The following DUOX1 variants were observed in gnomAD, a reference collection of about 807,000 sequenced individuals.
DUOX1 encodes the protein dual oxidase 1.
Under a neutral mutation model 181.8 loss-of-function variants are expected in DUOX1, and 134 were observed. That is an observed-to-expected ratio of 0.74 (90% confidence interval 0.64 to 0.85). The LOEUF is 0.85. DUOX1 is among the 40% of genes least tolerant of loss of function. The pLI is 0.00. For missense variants in DUOX1, 1,814 were observed against 2,064.4 expected (o/e 0.88, Z 2.35); for synonymous variants, 798 against 832.5 (o/e 0.96, Z 0.71).
intron 2 of DUOX1, among the ~76,000 whole-genome samples, chr15:45,132,788 C>G (rs961944272): frequency 2.6e-5 from 4 of 152,158 alleles, no homozygotes; most frequent in Non-Finnish European, 4.4e-5. Context: ...TCCCTCAGCT[C>G]TCACCTCTTA....
At position 45,142,033 on chromosome 15, in the gene DUOX1, C is replaced by T. The variant is rs1181402398; in HGVS notation, c.1743C>T (p.Pro581=). The change falls in exon 15 of 34, where the codon CCC becomes CCT. Residue 581 remains proline, a synonymous_variant. Coordinates refer to ENST00000389037, the MANE Select transcript of DUOX1 (RefSeq NM_175940.3). ...LSTEGLPACA[P]SVVRDYFEGS... ...CTGAAGGCCTGCCAGCGTGTGCTCC[C>T]TCTGTTGTTCGTGACTATTTTGAGG... 1 of 1,613,876 alleles carries T rather than the reference C, an allele frequency of 6.2e-7. No homozygotes were observed. The highest frequency in any genetic ancestry group is 8.5e-7 in the Non-Finnish European group (1 of 1,180,020).
At chr15:45,140,775 T>G in intron 12 of DUOX1, 120 bp from the exon 13 acceptor site, 5 of 977,274 alleles carry the variant, frequency 5.1e-6, no homozygotes, top group Non-Finnish European at 6.2e-6. Context: ...TGTATAGGAG[T>G]GAGTTACTGT....
chr15:45,132,159 G>C, intron 2 of DUOX1, 135 bp downstream of exon 2: 2 of 711,002 alleles, frequency 2.8e-6, no homozygotes, highest in Non-Finnish European at 4.5e-6. Flanking sequence ...CTGCACATGA[G>C]AGTTGCTCAT....
At chr15:45,164,664 TG>T in intron 33 of DUOX1, 114 bp from the exon 34 acceptor site, 2 of 1,112,646 alleles carry the variant, frequency 1.8e-6, no homozygotes, top group Non-Finnish European at 2.7e-6. Context: ...GAGTCAGGGA[TG>T]TTGCTATGTT....
At chr15:45,138,839 G>C (rs1896409022) in intron 10 of DUOX1, 2 of 511,914 alleles carry the variant, frequency 3.9e-6, no homozygotes, top group Non-Finnish European at 6.9e-6. Flanking sequence ...AAAATTTTAA[G>C]ATCCCTTGTG....
At chr15:45,156,761 C>T (rs1030836636) in intron 28 of DUOX1, among the ~76,000 whole-genome samples, 7 of 152,106 alleles carry the variant, frequency 4.6e-5, no homozygotes, top group Admixed American at 1.3e-4. Flanking sequence ...CTCTACCTAT[C>T]CCCTTTCCTT....
rs371747050 is a variant in DUOX1, at chr15:45,152,453, G to A, written c.3361G>A (p.Val1121Met). Reference sequence around the variant, plus strand: ...GCGAGAAACCTTCCTCAACCGCTACGTGCCCTTCGACGCCGCCGTGGACTT... The same window carrying A: ...GCGAGAAACCTTCCTCAACCGCTACATGCCCTTCGACGCCGCCGTGGACTT... The part of the protein sequence containing the change: ...FLRETFLNRY[V>M]PFDAAVDFHR... The change falls in exon 25 of 34, where the codon GTG becomes ATG. Residue 1121 changes from valine to methionine, a missense_variant. Around this residue, in one of 5 missense-constraint regions of DUOX1, gnomAD observed 1,064 missense variants for 1,152.9 expected, o/e 0.92. Transcript: ENST00000389037. The A allele has an allele frequency of 5.0e-6, 8 of 1,613,994 alleles. No homozygotes were observed. The highest frequency in any genetic ancestry group is 4.0e-5 in the African/African-American group (3 of 74,896).
At chr15:45,155,955 G>A in intron 28 of DUOX1, 26 bp downstream of exon 28, 2 of 1,614,110 alleles carry the variant, frequency 1.2e-6, no homozygotes, top group Non-Finnish European at 1.7e-6. Context: ...TGTGAGCCAG[G>A]CCAGGAGGGT....
intron 11 of DUOX1, 59 bp downstream of exon 11, chr15:45,139,227 C>G: frequency 6.2e-7 from 1 of 1,611,814 alleles, no homozygotes; most frequent in South Asian, 1.1e-5. Context: ...AGAGGCTCAG[C>G]TGGACTTCCA....
intron 28 of DUOX1, 98 bp from the exon 29 acceptor site, chr15:45,160,739 A>C: frequency 7.5e-7 from 1 of 1,335,876 alleles, no homozygotes; most frequent in Non-Finnish European, 9.7e-7. Context: ...GGGGCTGGAT[A>C]TACCAGCGGG....
intron 15 of DUOX1, among the ~76,000 whole-genome samples, chr15:45,142,835 G>A (rs1405118383): frequency 3.3e-5 from 5 of 149,898 alleles, no homozygotes; most frequent in South Asian, 2.1e-4. Flanking sequence ...AGACATAGTC[G>A]CTGGAGTGAG....
chr15:45,135,963 C>T lies in DUOX1; in HGVS notation c.864+15C>T, dbSNP rs1488405989. On this transcript the variant is annotated intron_variant, in intron 7 of 33. Transcript: ENST00000389037. Reference sequence around the variant, plus strand: ...CCACCTACCAGGTCAGCCGTCCGCGCCCCGCGACGTCCTCCCTTCCGCGTG... The same window carrying T: ...CCACCTACCAGGTCAGCCGTCCGCGTCCCGCGACGTCCTCCCTTCCGCGTG... 5.4e-6 allele frequency: 7 copies of T among 1,302,970 alleles called. No homozygotes were observed. The highest frequency in any genetic ancestry group is 7.4e-6 in the Non-Finnish European group (7 of 949,020). The allele number at this position is 1,302,970 out of a possible 1,614,324, so 80.7% of individuals were successfully genotyped here.
At chr15:45,134,394 G>T in intron 4 of DUOX1, 85 bp downstream of exon 4, 7 of 1,410,138 alleles carry the variant, frequency 5.0e-6, no homozygotes, top group Non-Finnish European at 9.5e-7. Context: ...GGATGAGAGA[G>T]AAGTGATGGA....
intron 18 of DUOX1, among the ~76,000 whole-genome samples, chr15:45,145,886 G>A (rs927006997): frequency 1.8e-4 from 27 of 151,516 alleles, no homozygotes; most frequent in African/African-American, 6.3e-4. Flanking sequence ...CTGCACTCCA[G>A]CCTGGGCAAC....
chr15:45,143,109 C>A, intron 15 of DUOX1, 81 bp from the exon 16 acceptor site: 1 of 1,046,674 alleles, frequency 9.6e-7, no homozygotes, highest in South Asian at 1.4e-5. Flanking sequence ...GGTGGTATTG[C>A]CAGGTAAGGA....
rs755960770 is a variant in DUOX1 at position 45,142,138 on chromosome 15, G to A, written c.1822+26G>A. ...GTAAAATCATGGACAGAGTGGGGTG[G>A]GGTGAGAGATGCAAGCTAGGGGATG... On this transcript the variant is annotated intron_variant, in intron 15 of 33. Transcript: ENST00000389037. The A allele has an allele frequency of 6.9e-6, 11 of 1,605,760 alleles. No homozygotes were observed. In the Admixed American group the frequency reaches 1.9e-4, roughly 27 times the overall value.
rs763335407 is a variant in DUOX1 at position 45,162,247 on chromosome 15, G to A, written c.4118G>A (p.Gly1373Asp). The A allele has an allele frequency of 3.7e-6, 6 of 1,611,542 alleles. No homozygotes were observed. Among genetic ancestry groups the A allele is most frequent in the Non-Finnish European group, 4.2e-6 (5 of 1,178,542 alleles). ...KLYLDGPFGEGHQEWHKFEVS... is the reference protein window; with the variant it reads ...KLYLDGPFGEDHQEWHKFEVS... Reference sequence around the variant, plus strand: ...TACCTTGATGGACCATTTGGAGAGGGCCACCAGGAGTGGCATAAGTTTGAG... The same window carrying A: ...TACCTTGATGGACCATTTGGAGAGGACCACCAGGAGTGGCATAAGTTTGAG... Residue 1373 changes from glycine to aspartate, a missense_variant, in exon 31 of 34, where the codon GGC (glycine) becomes GAC (aspartate). This residue lies in a region of DUOX1 where 279 missense variants were observed against 381.9 expected (regional missense o/e 0.73). Coordinates refer to ENST00000389037, the MANE Select transcript of DUOX1 (RefSeq NM_175940.3).
chr15:45,140,690 T>A (rs1896466439), intron 12 of DUOX1: 1 of 492,114 alleles, frequency 2.0e-6, no homozygotes, highest in African/African-American at 1.9e-5. Flanking sequence ...GGCAGCTGAA[T>A]GTGTGAGAGG....
intron 10 of DUOX1, 56 bp downstream of exon 10, chr15:45,138,070 G>GTGTGTA (rs1896378280): frequency 3.4e-6 from 4 of 1,164,834 alleles, no homozygotes; most frequent in African/African-American, 1.9e-5. Context: ...GCTTATGTGT[G>GTGTGTA]TGTGTGTATG....
Sources: gnomAD v4.1 joint callset for allele counts (sites outside exome capture counted in the v4.1 genomes callset) on GRCh38, gnomAD v4.1.1 for gene constraint, gnomAD v4.1.1 regional missense constraint, MANE v1.5 for transcripts, NCBI Gene and HGNC (gene_info 2026-07-23, HGNC 2026-07-21) for gene names.